CCDC18: variants seen among roughly 807,000 people sequenced by gnomAD.
The protein encoded by CCDC18 is coiled-coil domain-containing protein 18.
CCDC18 carries 157 observed loss-of-function variants against 196.0 expected under a neutral mutation model. That is an observed-to-expected ratio of 0.80 (90% confidence interval 0.70 to 0.91). The LOEUF is 0.91. Ranked by LOEUF, CCDC18 falls within the 40% of genes least tolerant of loss-of-function variation. The pLI, the probability that CCDC18 is intolerant of heterozygous loss-of-function variation, is 0.00. For missense variants in CCDC18, 1,465 were observed against 1,611.6 expected, an observed-to-expected ratio of 0.91 and a Z score of 1.56; for synonymous variants, 482 against 529.2, an observed-to-expected ratio of 0.91 and a Z score of 1.22.
intron 28 of CCDC18, chr1:93,271,302 A>G (rs1222546626): frequency 1.0e-6 from 1 of 985,238 alleles, no homozygotes; most frequent in African/African-American, 1.7e-5. Context: ...AATAAGGCCA[A>G]CTGTCCTCAT....
At position 93,183,495 on chromosome 1, in the gene CCDC18, GGTAA is replaced by G; in HGVS notation, c.134+9_134+12del. 6.3e-7 allele frequency: 1 copy of G among 1,576,964 alleles called. No individual in the cohort carries two copies. The highest frequency in any genetic ancestry group is 1.2e-5 in the South Asian group (1 of 82,976). On this transcript the variant is annotated splice_donor_variant and splice_donor_region_variant and intron_variant, in intron 2 of 28. Transcript: ENST00000690025. LOFTEE classifies it high-confidence loss of function. ...CAGAGTTTAGGGGAAGAGTTATCCA[GGTAA>G]GTAAGTAAAATCACATATAGAATTC...
At chr1:93,269,703 A>C (rs1333000746) in intron 27 of CCDC18, 3 of 152,180 alleles carry the variant, frequency 2.0e-5, no homozygotes, top group Admixed American at 6.5e-5. Flanking sequence ...TTTTGAAATT[A>C]AAATATCATC....
intron 16 of CCDC18, among the ~76,000 whole-genome samples, chr1:93,225,107 C>T (rs962046976): frequency 2.2e-4 from 33 of 152,016 alleles, no homozygotes; most frequent in Admixed American, 1.5e-3. Context: ...ATGTTTTTCT[C>T]GTTTTTTCAT....
rs1553175509 is a variant in CCDC18 at position 93,227,971 on chromosome 1, AAT to A, written c.2292+1539_2292+1540del. Among the ~76,000 whole-genome samples, 232 of 125,300 alleles carry A rather than the reference AAT, an allele frequency of 1.9e-3. 1 individual carries two copies. The highest frequency in any genetic ancestry group is 6.8e-3 in the African/African-American group (200 of 29,554). The allele number at this position is 125,300 out of a possible 152,430, so 82.2% of individuals were successfully genotyped here. ...AGACCCTATCTCAAAAAAAAAAAAA[AAT>A]ATATATATATATATATTTATTTATA... is the stretch of plus-strand genomic sequence containing the variant. On this transcript the variant is annotated intron_variant, in intron 17 of 28. Transcript: ENST00000690025.
intron 21 of CCDC18, among the ~76,000 whole-genome samples, chr1:93,240,882 A>T (rs1660680213): frequency 1.3e-5 from 2 of 152,204 alleles, no homozygotes; most frequent in Non-Finnish European, 2.9e-5. Flanking sequence ...AACCACAAAT[A>T]TATAAGATTT....
intron 21 of CCDC18, among the ~76,000 whole-genome samples, chr1:93,244,783 G>A (rs1661276689): frequency 6.6e-6 from 1 of 152,072 alleles, no homozygotes; most frequent in African/African-American, 2.4e-5. Context: ...AGCCTTATGT[G>A]GTCTGGTTCC....
intron 16 of CCDC18, among the ~76,000 whole-genome samples, chr1:93,223,885 G>C (rs1657840963): frequency 7.3e-6 from 1 of 136,542 alleles, no homozygotes; most frequent in Non-Finnish European, 1.6e-5. Flanking sequence ...TTTTTGTTTT[G>C]ATTTCATTTA....
At chr1:93,205,669 G>T in intron 8 of CCDC18, 38 bp downstream of exon 8, 1 of 1,546,716 alleles carries the variant, frequency 6.5e-7, no homozygotes, top group South Asian at 1.2e-5. Flanking sequence ...TTTTTGTGTG[G>T]ACATGGAAAA....
Position 93,232,485 on chromosome 1 carries a change from G to C in CCDC18, c.2352G>C (p.Glu784Asp), listed in dbSNP as rs1357415209. 5.6e-6 allele frequency: 9 copies of C among 1,612,548 alleles called. No individual in the cohort carries two copies. In the South Asian group the frequency reaches 9.9e-5, roughly 18 times the overall value. The change falls in exon 18 of 29, where the codon GAG (glutamate) becomes GAC (aspartate). Residue 784 changes from glutamate to aspartate, a missense_variant. By Grantham distance (45) the Glu-to-Asp change is conservative. Coordinates refer to ENST00000690025, the MANE Select transcript of CCDC18 (RefSeq NM_001378204.1). ...ATCACAGTCTTCAAGAGACTTCTGA[G>C]CAAAACGTTATTCTACAGCATACTC... ...IKNHSLQETS[E>D]QNVILQHTLQ...
At chr1:93,222,622 T>C (rs1038972451) in intron 16 of CCDC18, among the ~76,000 whole-genome samples, 1 of 152,178 alleles carries the variant, frequency 6.6e-6, no homozygotes, top group African/African-American at 2.4e-5. Flanking sequence ...CTTCAAGTGC[T>C]TACCCACTCA....
Position 93,180,757 on chromosome 1 carries a change from T to C in CCDC18, c.-98T>C, listed in dbSNP as rs769056833. On this transcript the variant is annotated 5_prime_UTR_variant, in exon 1 of 29. Coordinates refer to ENST00000690025, the MANE Select transcript of CCDC18 (RefSeq NM_001378204.1). ...TTCTGTGCTGCCGGGGTTCGCTGGTTCTCCGAGTTGTGTCCGAGGCTTCCA... is the reference window on the plus strand; with the variant it reads ...TTCTGTGCTGCCGGGGTTCGCTGGTCCTCCGAGTTGTGTCCGAGGCTTCCA... 29 of 1,367,160 alleles carry C rather than the reference T, an allele frequency of 2.1e-5. No individual in the cohort carries two copies. Among genetic ancestry groups the C allele is most frequent in the Non-Finnish European group, 2.6e-5 (27 of 1,021,652 alleles). The allele number at this position is 1,367,160 out of a possible 1,614,324, so 84.7% of individuals were successfully genotyped here. A position where few individuals can be genotyped will look rare whatever the true frequency, so the allele number is the denominator to read the frequency against.
chr1:93,256,612 A>G (rs564995478), intron 25 of CCDC18, 74 bp downstream of exon 25: 5 of 1,223,374 alleles, frequency 4.1e-6, no homozygotes, highest in East Asian at 2.5e-5. Flanking sequence ...ACTGTAGAAT[A>G]TAGTTCTTTC....
intron 21 of CCDC18, among the ~76,000 whole-genome samples, chr1:93,241,723 CAAAAAA>C (rs35810581): frequency 1.5e-4 from 9 of 59,956 alleles, no homozygotes; most frequent in South Asian, 6.9e-4. Flanking sequence ...GACTCCATCT[CAAAAAA>C]AAAAAAAAAA....
chr1:93,198,954 A>G (rs1653289048), intron 6 of CCDC18, among the ~76,000 whole-genome samples: 1 of 152,168 alleles, frequency 6.6e-6, no homozygotes, highest in Non-Finnish European at 1.5e-5. Context: ...GCTTTAATGC[A>G]TGTTTTAAAA....
chr1:93,184,218 T>A (rs1373305072), intron 3 of CCDC18, 72 bp downstream of exon 3: 1 of 794,966 alleles, frequency 1.3e-6, no homozygotes, highest in Non-Finnish European at 1.7e-6. Context: ...AAAAATTTTT[T>A]TTAATTTTAA....
chr1:93,255,476 A>C (rs1032634980), intron 24 of CCDC18, among the ~76,000 whole-genome samples: 9 of 152,132 alleles, frequency 5.9e-5, no homozygotes, highest in Admixed American at 5.2e-4. Context: ...CACACTTATA[A>C]TCCCAGCATT....
chr1:93,186,507 T>A lies in CCDC18; in HGVS notation c.462+4T>A, dbSNP rs762891699. 1.9e-6 allele frequency: 3 copies of A among 1,580,102 alleles called. No individual in the cohort carries two copies. In the South Asian group the frequency reaches 3.5e-5, roughly 18 times the overall value. ...ATTAACACAGTCAAGAGCAAAAGTA[T>A]GTATCTTGAAATAAGTTTGCCAACA... is the stretch of plus-strand genomic sequence containing the variant. On this transcript the variant is annotated splice_donor_region_variant and intron_variant, in intron 4 of 28. Transcript: ENST00000690025.
chr1:93,219,608 G>A (rs575874724), intron 14 of CCDC18, among the ~76,000 whole-genome samples: 3 of 152,330 alleles, frequency 2.0e-5, no homozygotes, highest in African/African-American at 7.2e-5. Context: ...GACATAGTGG[G>A]ACGTCATGAG....
upstream of CCDC18, chr1:93,180,542 C>A (rs779351885): frequency 3.3e-6 from 5 of 1,498,678 alleles, no homozygotes; most frequent in South Asian, 4.6e-5. Context: ...TGGCTTCCCC[C>A]ACCAATGGGC....
Sources: gnomAD v4.1 joint callset for allele counts (sites outside exome capture counted in the v4.1 genomes callset) on GRCh38, gnomAD v4.1.1 for gene constraint, MANE v1.5 for transcripts, NCBI Gene and HGNC (gene_info 2026-07-23, HGNC 2026-07-21) for gene names.